TAF1B: variants seen among roughly 807,000 people sequenced by gnomAD.
TAF1B encodes TATA box-binding protein-associated factor RNA polymerase I subunit B.
A neutral mutation model predicts 83.9 loss-of-function variants in TAF1B; 61 were observed. The ratio of observed to expected loss-of-function variants is 0.73; its 90% CI spans 0.59 to 0.90. TAF1B has a LOEUF of 0.90. TAF1B is among the 40% of genes least tolerant of loss of function. TAF1B has a pLI of 0.00. For missense variants in TAF1B, 625 were observed against 677.0 expected (o/e 0.92, Z 0.85); for synonymous variants, 221 against 224.6 (o/e 0.98, Z 0.14).
At chr2:9,921,362 G>C (rs904176927) in intron 14 of TAF1B, among the ~76,000 whole-genome samples, 9 of 152,198 alleles carry the variant, frequency 5.9e-5, no homozygotes, top group African/African-American at 2.2e-4. Context: ...AAAGTGCTGG[G>C]ATTACAGGTG....
chr2:9,845,174 G>A, intron 1 of TAF1B, 46 bp from the exon 2 acceptor site: 1 of 1,458,614 alleles, frequency 6.9e-7, no homozygotes, highest in Non-Finnish European at 9.6e-7. Context: ...ACGATGTATT[G>A]AATGTGGCTT....
chr2:9,931,402 G>C (rs1666207329), intron 14 of TAF1B, among the ~76,000 whole-genome samples: 1 of 152,080 alleles, frequency 6.6e-6, no homozygotes, highest in Admixed American at 6.6e-5. Flanking sequence ...GTCTGTAAAG[G>C]ATTTTATTTC....
chr2:9,874,973 T>G (rs2125150572), intron 6 of TAF1B, among the ~76,000 whole-genome samples: 1 of 152,212 alleles, frequency 6.6e-6, no homozygotes, highest in South Asian at 2.1e-4. Flanking sequence ...TTTTTTTTTT[T>G]TCTTTTTGGA....
intron 11 of TAF1B, 54 bp from the exon 12 acceptor site, chr2:9,913,105 T>C (rs1225504825): frequency 3.1e-5 from 43 of 1,409,624 alleles, no homozygotes; most frequent in Admixed American, 6.1e-5. Flanking sequence ...GAACAATGTA[T>C]ATTATTATAG....
intron 11 of TAF1B, among the ~76,000 whole-genome samples, chr2:9,912,821 C>G (rs564724420): frequency 6.6e-6 from 1 of 152,186 alleles, no homozygotes; most frequent in Admixed American, 6.5e-5. Flanking sequence ...ACAGTTCTTT[C>G]GGTAGTTTCC....
chr2:9,918,161 C>G (rs1323045062), intron 12 of TAF1B, among the ~76,000 whole-genome samples: 4 of 152,126 alleles, frequency 2.6e-5, no homozygotes. Flanking sequence ...AGAAAATGGC[C>G]TGGGATTAAG....
chr2:9,904,499 A>G (rs926056080), intron 8 of TAF1B, among the ~76,000 whole-genome samples: 2 of 152,158 alleles, frequency 1.3e-5, no homozygotes, highest in Admixed American at 6.5e-5. Context: ...CATCTAGTCC[A>G]CTGTTGGTAG....
intron 7 of TAF1B, among the ~76,000 whole-genome samples, 193 bp from the exon 8 acceptor site, chr2:9,882,513 G>T (rs937497415): frequency 5.3e-5 from 8 of 152,148 alleles, no homozygotes; most frequent in African/African-American, 1.7e-4. Flanking sequence ...TTCAGTAATT[G>T]GCTAAATAGG....
chr2:9,869,399 A>G (rs1479144012), intron 6 of TAF1B, among the ~76,000 whole-genome samples: 2 of 151,520 alleles, frequency 1.3e-5, no homozygotes, highest in Non-Finnish European at 2.9e-5. Flanking sequence ...TAATTTTTGT[A>G]TTTTTAGTAG....
chr2:9,914,434 A>G lies in TAF1B; in HGVS notation c.1271+1185A>G, dbSNP rs184132743. ...TATGTGTCTTAGGTCATTTTGGAGA[A>G]TCAGCCTTCCTTTCTGTGGTGCTAG... On this transcript the variant is annotated intron_variant, in intron 12 of 14. Coordinates refer to ENST00000263663, the MANE Select transcript of TAF1B (RefSeq NM_005680.3). This position sits in a 1 kb window ranked among gnomAD's most constrained non-coding sequence, Gnocchi z 4.3. 6.6e-6 allele frequency among the ~76,000 whole-genome samples: 1 copy of G among 152,190 alleles called. No individual in the cohort carries two copies. The highest frequency in any genetic ancestry group is 1.9e-4 in the East Asian group (1 of 5,168).
intron 5 of TAF1B, among the ~76,000 whole-genome samples, chr2:9,860,689 G>A (rs1243709235): frequency 6.6e-6 from 1 of 152,166 alleles, no homozygotes; most frequent in African/African-American, 2.4e-5. Context: ...GAGAGAATGA[G>A]CACTCTGGAA....
intron 14 of TAF1B, among the ~76,000 whole-genome samples, chr2:9,925,661 G>A (rs1208334496): frequency 4.0e-5 from 6 of 150,788 alleles, no homozygotes; most frequent in East Asian, 2.0e-4. Context: ...GGCTCACTGC[G>A]ACCTCCCTGG....
chr2:9,867,403 T>C (rs1292668375), intron 5 of TAF1B, among the ~76,000 whole-genome samples: 1 of 152,218 alleles, frequency 6.6e-6, no homozygotes, highest in Non-Finnish European at 1.5e-5. Flanking sequence ...GTAGCCTCCT[T>C]CTCACAGGGC....
chr2:9,856,812 G>A (rs1469537460), intron 5 of TAF1B, among the ~76,000 whole-genome samples: 1 of 152,138 alleles, frequency 6.6e-6, no homozygotes, highest in Non-Finnish European at 1.5e-5. Flanking sequence ...TTAAGCTGAT[G>A]TATGAATTAG....
rs1198150236 is a variant in TAF1B at position 9,882,806 on chromosome 2, G to T, written c.807+1G>T. 3 of 1,589,634 alleles carry T rather than the reference G, an allele frequency of 1.9e-6. No individual in the cohort carries two copies. The highest frequency in any genetic ancestry group is 2.6e-6 in the Non-Finnish European group (3 of 1,168,180). ...TGACAGAGGAATCTTTGGTATAGAGGTAAGTTATTTTCTTTTTTACTTTCT... is the reference window on the plus strand; with the variant it reads ...TGACAGAGGAATCTTTGGTATAGAGTTAAGTTATTTTCTTTTTTACTTTCT... On this transcript the variant is annotated splice_donor_variant, in intron 8 of 14. Transcript: ENST00000263663. LOFTEE classifies it high-confidence loss of function.
chr2:9,917,889 G>T (rs562289881), intron 12 of TAF1B, among the ~76,000 whole-genome samples: 1 of 151,856 alleles, frequency 6.6e-6, no homozygotes, highest in Admixed American at 6.6e-5. Flanking sequence ...CGGCTAAAAC[G>T]GTGAAACCCC....
At chr2:9,878,798 A>G (rs1413446815) in intron 7 of TAF1B, among the ~76,000 whole-genome samples, 1 of 152,256 alleles carries the variant, frequency 6.6e-6, no homozygotes, top group Non-Finnish European at 1.5e-5. Context: ...ACACATACAT[A>G]TGGTTGGTGC....
chr2:9,870,417 G>T (rs973866708), intron 6 of TAF1B, among the ~76,000 whole-genome samples: 3 of 152,144 alleles, frequency 2.0e-5, no homozygotes, highest in Non-Finnish European at 2.9e-5. Flanking sequence ...GAGCCAGGAG[G>T]TCGAGGCTGT....
intron 8 of TAF1B, among the ~76,000 whole-genome samples, chr2:9,888,453 A>G (rs1288758856): frequency 1.3e-5 from 2 of 151,936 alleles, no homozygotes; most frequent in African/African-American, 2.4e-5. Context: ...GTCCTTTAAC[A>G]TTTCTTGTAG....
Sources: gnomAD v4.1 joint callset for allele counts (sites outside exome capture counted in the v4.1 genomes callset) on GRCh38, gnomAD v4.1.1 for gene constraint, Gnocchi (gnomAD v3.1) non-coding constraint, MANE v1.5 for transcripts, NCBI Gene and HGNC (gene_info 2026-07-23, HGNC 2026-07-21) for gene names.